NDUFA5: variants seen among roughly 807,000 people sequenced by gnomAD.
NDUFA5 encodes the protein NADH dehydrogenase [ubiquinone] 1 alpha subcomplex subunit 5.
NDUFA5 carries 11 observed loss-of-function variants against 19.8 expected under a neutral mutation model. The observed-to-expected ratio is 0.56, with a 90% CI of 0.35 to 0.92. NDUFA5 has a LOEUF of 0.92. NDUFA5 is among the 40% of genes least tolerant of loss of function. The pLI, the probability that NDUFA5 is intolerant of heterozygous loss-of-function variation, is 0.01. For missense variants in NDUFA5, 109 were observed against 134.2 expected, an observed-to-expected ratio of 0.81 and a Z score of 0.93; for synonymous variants, 47 against 46.8, an observed-to-expected ratio of 1.00 and a Z score of -0.01.
At chr7:123,572,698 CTCTA>C in the NDUFA5 span, among the ~76,000 whole-genome samples, 18 of 148,860 alleles carry the variant, frequency 1.2e-4, 1 homozygote, top group East Asian at 2.2e-3. Flanking sequence ...AATATATTCA[CTCTA>C]TCTCTTTTTT....
chr7:123,593,586 G>A, the NDUFA5 span, among the ~76,000 whole-genome samples: 2 of 151,970 alleles, frequency 1.3e-5, no homozygotes, highest in Non-Finnish European at 2.9e-5. Flanking sequence ...TTTTCTTTAA[G>A]AATGTTGAAT....
At chr7:123,573,957 T>C in the NDUFA5 span, among the ~76,000 whole-genome samples, 1 of 152,096 alleles carries the variant, frequency 6.6e-6, no homozygotes, top group Admixed American at 6.6e-5. Context: ...CAATATTATT[T>C]TAACTGAACT....
chr7:123,552,243 T>C (rs1462267873), intron 2 of NDUFA5, among the ~76,000 whole-genome samples: 3 of 150,690 alleles, frequency 2.0e-5, no homozygotes, highest in Admixed American at 2.0e-4. Flanking sequence ...CCAACCCAAA[T>C]GCCCAGTGAT....
At chr7:123,553,076 A>G (rs1034992934) in intron 2 of NDUFA5, among the ~76,000 whole-genome samples, 7 of 152,242 alleles carry the variant, frequency 4.6e-5, no homozygotes, top group African/African-American at 1.7e-4. Flanking sequence ...GCGAAAAAAT[A>G]TACTCAGTAC....
At chr7:123,574,665 T>G in the NDUFA5 span, among the ~76,000 whole-genome samples, 1 of 152,298 alleles carries the variant, frequency 6.6e-6, no homozygotes, top group South Asian at 2.1e-4. Context: ...CTCATTCTAC[T>G]TGCCAATTCC....
chr7:123,557,786 C>T lies in NDUFA5; in HGVS notation c.10G>A (p.Val4Met), dbSNP rs369758054. ...TCCATTCGTCTCACCTTCTTCAGCA[C>T]ACCCGCCATGACAGCGCCAACGACT... MAG[V>M]LKKTTGLVGL... The change falls in exon 1 of 5, where the codon GTG (valine) becomes ATG (methionine). Residue 4 changes from valine to methionine, a missense_variant. By Grantham distance (21) the Val-to-Met change is conservative. Transcript: ENST00000355749. 2 of 1,613,752 alleles carry T rather than the reference C, an allele frequency of 1.2e-6. No individual in the cohort carries two copies. The highest frequency in any genetic ancestry group is 1.7e-6 in the Non-Finnish European group (2 of 1,179,986).
At chr7:123,587,660 T>C in the NDUFA5 span, among the ~76,000 whole-genome samples, 5 of 151,672 alleles carry the variant, frequency 3.3e-5, no homozygotes, top group Non-Finnish European at 7.4e-5. Flanking sequence ...CACCTGTATG[T>C]TCACTGTAAG....
At chr7:123,591,925 G>A in the NDUFA5 span, among the ~76,000 whole-genome samples, 1 of 152,088 alleles carries the variant, frequency 6.6e-6, no homozygotes, top group Non-Finnish European at 1.5e-5. Flanking sequence ...AATCCTTCTG[G>A]CCCCAGACTT....
At chr7:123,591,395 C>T in the NDUFA5 span, among the ~76,000 whole-genome samples, 35 of 152,268 alleles carry the variant, frequency 2.3e-4, 1 homozygote, top group East Asian at 6.2e-3. Context: ...AAAAGGAATG[C>T]TTCCAGTTTT....
rs1473051218 is a variant in NDUFA5, at chr7:123,538,548, C to G, written c.*3571G>C. On this transcript the variant is annotated 3_prime_UTR_variant, in exon 5 of 5. Coordinates refer to ENST00000355749, the MANE Select transcript of NDUFA5 (RefSeq NM_005000.5). ...GCATAGGCTACAATCTCACTGAACA[C>G]TTAGTTTTTGTTTTTGTTTTTAGTA... 2 of 152,186 alleles carry G rather than the reference C, an allele frequency of 1.3e-5. No individual in the cohort carries two copies. Among genetic ancestry groups the G allele is most frequent in the Non-Finnish European group, 2.9e-5 (2 of 68,036 alleles). 9.4% of individuals were successfully genotyped at this position (152,186 alleles called of 1,614,324 possible).
the NDUFA5 span, among the ~76,000 whole-genome samples, chr7:123,564,712 G>A: frequency 3.3e-5 from 5 of 151,900 alleles, no homozygotes; most frequent in South Asian, 1.0e-3. Flanking sequence ...GTTAAGATAG[G>A]TTTATTGGGA....
At chr7:123,560,363 T>C (rs1798673293), upstream of NDUFA5, among the ~76,000 whole-genome samples, 1 of 152,258 alleles carries the variant, frequency 6.6e-6, no homozygotes, top group South Asian at 2.1e-4. Context: ...TGAATAAAAG[T>C]CATCCAGAAG....
intron 3 of NDUFA5, among the ~76,000 whole-genome samples, chr7:123,547,202 T>C (rs911785468): frequency 3.9e-5 from 6 of 152,158 alleles, no homozygotes; most frequent in Non-Finnish European, 8.8e-5. Context: ...ACTTCTGGCC[T>C]CCAGAAGTCT....
chr7:123,547,516 A>C (rs1327188733), intron 3 of NDUFA5, among the ~76,000 whole-genome samples: 1 of 152,172 alleles, frequency 6.6e-6, no homozygotes, highest in Admixed American at 6.5e-5. Flanking sequence ...CATGGCATTC[A>C]ATAAATGTTT....
chr7:123,567,605 G>T, the NDUFA5 span, among the ~76,000 whole-genome samples: 19 of 152,070 alleles, frequency 1.2e-4, no homozygotes, highest in Admixed American at 2.6e-4. Context: ...ATTCTGGAGC[G>T]CTCCTCCACA....
At chr7:123,557,625 C>T in intron 1 of NDUFA5, 150 bp downstream of exon 1, 1 of 1,613,638 alleles carries the variant, frequency 6.2e-7, no homozygotes, top group Non-Finnish European at 8.5e-7. Flanking sequence ...AACCACTAAC[C>T]TGCCCTACCC....
upstream of NDUFA5, among the ~76,000 whole-genome samples, chr7:123,561,608 A>G (rs1339739254): frequency 8.5e-6 from 1 of 117,990 alleles, no homozygotes; most frequent in Non-Finnish European, 1.8e-5. Context: ...ATGAATCACC[A>G]ATTTTTTTTT....
At chr7:123,575,085 T>C in the NDUFA5 span, among the ~76,000 whole-genome samples, 1 of 151,752 alleles carries the variant, frequency 6.6e-6, no homozygotes, top group Admixed American at 6.6e-5. Flanking sequence ...TTGGTAGTTT[T>C]AAAAAATATC....
the NDUFA5 span, among the ~76,000 whole-genome samples, chr7:123,577,319 T>C: frequency 1.3e-5 from 2 of 152,190 alleles, no homozygotes; most frequent in Non-Finnish European, 2.9e-5. Context: ...TCTTATTCGA[T>C]ACTGAGAAGA....
Sources: gnomAD v4.1 joint callset for allele counts (sites outside exome capture counted in the v4.1 genomes callset) on GRCh38, gnomAD v4.1.1 for gene constraint, MANE v1.5 for transcripts, NCBI Gene and HGNC (gene_info 2026-07-23, HGNC 2026-07-21) for gene names.